PTCH1: variants seen among roughly 807,000 people sequenced by gnomAD.
PTCH1 encodes the protein patched 1, also known as protein patched homolog 1.
Under a neutral mutation model 144.6 loss-of-function variants are expected in PTCH1, and 14 were observed. The observed-to-expected ratio is 0.10, with a 90% CI of 0.06 to 0.15. PTCH1 has a LOEUF of 0.15. Among genes scored for constraint, PTCH1 ranks in the 10% least tolerant of loss-of-function variants. PTCH1 has a pLI of 1.00. For synonymous variants in PTCH1, 833 were observed against 793.6 expected (o/e 1.05, Z -0.83); for missense variants, 1,623 against 1,948.3 (o/e 0.83, Z 3.14).
At chr9:95,461,312 T>A (rs1039854327) in intron 16 of PTCH1, among the ~76,000 whole-genome samples, 3 of 152,172 alleles carry the variant, frequency 2.0e-5, no homozygotes, top group African/African-American at 7.2e-5. Flanking sequence ...CATTTCCGTT[T>A]GCTTCACTCA....
chr9:95,497,216 AGG>A (rs1490099767), intron 2 of PTCH1, among the ~76,000 whole-genome samples: 3 of 152,170 alleles, frequency 2.0e-5, no homozygotes, highest in Non-Finnish European at 4.4e-5. Flanking sequence ...AGTCACTCTC[AGG>A]GCTGCTTCAT....
At position 95,446,980 on chromosome 9, in the gene PTCH1, T is replaced by C. The variant is rs2136571540; in HGVS notation, c.4276A>G (p.Lys1426Glu). 6.8e-6 allele frequency: 11 copies of C among 1,614,132 alleles called. No individual in the cohort carries two copies. The highest frequency in any genetic ancestry group is 9.3e-6 in the Non-Finnish European group (11 of 1,180,010). The change falls in exon 23 of 24, where the codon AAG (lysine) becomes GAG (glutamate). Residue 1426 changes from lysine to glutamate, a missense_variant. Lys to Glu is a moderately conservative substitution (Grantham distance 56). Coordinates refer to ENST00000331920, the MANE Select transcript of PTCH1 (RefSeq NM_000264.5). Reference protein sequence around the residue: ...FHVRCERRDSKVEVIELQDVE... With the variant: ...FHVRCERRDSEVEVIELQDVE... ...TCCTGCAGCTCAATGACTTCCACCTTCGAATCCCTCCTCTCACACCGGACG... is the reference window on the plus strand; with the variant it reads ...TCCTGCAGCTCAATGACTTCCACCTCCGAATCCCTCCTCTCACACCGGACG...
chr9:95,503,383 A>C (rs1843288104), intron 2 of PTCH1: 1 of 152,232 alleles, frequency 6.6e-6, no homozygotes, highest in South Asian at 2.1e-4. Flanking sequence ...CTTACTGCTG[A>C]CGTGAACACT....
chr9:95,464,924 T>C (rs1422495023), intron 15 of PTCH1, among the ~76,000 whole-genome samples: 1 of 152,110 alleles, frequency 6.6e-6, no homozygotes, highest in Non-Finnish European at 1.5e-5. Context: ...AGGGCTCCAG[T>C]GTCTGGTCAT....
Position 95,469,820 on chromosome 9 carries a change from A to C in PTCH1, c.1840T>G (p.Phe614Val), listed in dbSNP as rs1193948667. ...AGCAGTCTGAAAATGTACCTTGTAA[A>C]ACAGCAGAAAATATCCAGTCTCCTG... ...EDRRLDIFCC[F>V]TSPCVSRVIQ... Residue 614 changes from phenylalanine (F) to valine (V), a missense_variant, in exon 13 of 24, where the codon TTT becomes GTT. Physicochemically the swap from Phe to Val is conservative, Grantham distance 50. Transcript: ENST00000331920. The C allele has an allele frequency of 1.9e-6, 3 of 1,612,284 alleles. No homozygotes were observed. The highest frequency in any genetic ancestry group is 2.5e-6 in the Non-Finnish European group (3 of 1,178,368).
intron 15 of PTCH1, 120 bp from the exon 16 acceptor site, chr9:95,462,118 C>T (rs1027731682): frequency 3.5e-6 from 4 of 1,154,796 alleles, no homozygotes; most frequent in Middle Eastern, 2.0e-4. Context: ...ATCAGAAACA[C>T]ACCCTCTGTG....
In PTCH1 at chr9:95,476,860, AC is replaced by A. The variant is rs1182409968; in HGVS notation, c.1504-4del. On this transcript the variant is annotated splice_polypyrimidine_tract_variant and splice_region_variant and intron_variant, in intron 10 of 23. Coordinates refer to ENST00000331920, the MANE Select transcript of PTCH1 (RefSeq NM_000264.5). This position sits in a 1 kb window ranked among gnomAD's most constrained non-coding sequence, Gnocchi z 4.6. ...CCAAGAGCGAGAAATGGCAAAACCT[AC>A]AGCAAAAACAGAGGATGGTGGCATT... 2 of 1,613,020 alleles carry A rather than the reference AC, an allele frequency of 1.2e-6. No individual in the cohort carries two copies. Among genetic ancestry groups the A allele is most frequent in the Non-Finnish European group, 1.7e-6 (2 of 1,179,250 alleles).
At chr9:95,469,500 A>G (rs986411230) in intron 13 of PTCH1, among the ~76,000 whole-genome samples, 1 of 152,216 alleles carries the variant, frequency 6.6e-6, no homozygotes, top group Non-Finnish European at 1.5e-5. Flanking sequence ...GTGTTTTTCA[A>G]TCTTGTTCTG....
intron 2 of PTCH1, among the ~76,000 whole-genome samples, chr9:95,502,413 C>T (rs1843209275): frequency 1.3e-5 from 2 of 152,208 alleles, no homozygotes; most frequent in South Asian, 4.1e-4. Flanking sequence ...GTACTGAGAA[C>T]ATGTGCAGAA....
chr9:95,514,617 A>G (rs1208301540), intron 1 of PTCH1: 1 of 139,576 alleles, frequency 7.2e-6, no homozygotes, highest in Non-Finnish European at 1.5e-5. Flanking sequence ...TGGAGAAAAT[A>G]AAAGGTGTGT....
intron 8 of PTCH1, 94 bp from the exon 9 acceptor site, chr9:95,478,280 C>G (rs1841246720): frequency 5.7e-6 from 9 of 1,570,524 alleles, no homozygotes; most frequent in Non-Finnish European, 7.0e-6. Context: ...CGCAGCCCTT[C>G]TTTTTTTCTG....
upstream of PTCH1, among the ~76,000 whole-genome samples, chr9:95,509,698 C>T (rs1410367467): frequency 6.6e-6 from 1 of 152,154 alleles, no homozygotes; most frequent in African/African-American, 2.4e-5. Flanking sequence ...TCTGAAATTC[C>T]TCAAAGAAAA....
chr9:95,492,634 C>T (rs1306881943), intron 2 of PTCH1, among the ~76,000 whole-genome samples: 1 of 151,814 alleles, frequency 6.6e-6, no homozygotes, highest in Non-Finnish European at 1.5e-5. Context: ...GTGAATATCA[C>T]CCCCCCTTAA....
intron 2 of PTCH1, among the ~76,000 whole-genome samples, chr9:95,490,520 G>GACAC (rs35550307): frequency 0.017 from 2,422 of 140,338 alleles, 32 homozygotes; most frequent in African/African-American, 0.041. Flanking sequence ...CCTTCTATGT[G>GACAC]ACACACACAC....
chr9:95,508,214 G>T lies in PTCH1; in HGVS notation c.148C>A (p.Leu50Met). 1 of 1,612,080 alleles carries T rather than the reference G, an allele frequency of 6.2e-7. No individual in the cohort carries two copies. Residue 50 changes from leucine (L) to methionine (M), a missense_variant, in exon 1 of 24, where the codon CTG (leucine) becomes ATG (methionine). Around this residue, in one of 7 missense-constraint regions of PTCH1, gnomAD observed 245 missense variants for 240.6 expected, o/e 1.02. Transcript: ENST00000331920. ...GCGTCGCAGTAGCTGGGCCGGTGCA[G>T]ATAGTCCCGGTCCGGCGCGGCAGCA... ...RRAAAPDRDY[L>M]HRPSYCDAAF...
At chr9:95,451,570 G>A (rs1282664898) in intron 20 of PTCH1, 1 of 152,138 alleles carries the variant, frequency 6.6e-6, no homozygotes, top group Non-Finnish European at 1.5e-5. Context: ...AGACCCTCCT[G>A]TAACTCATGA....
intron 2 of PTCH1, among the ~76,000 whole-genome samples, chr9:95,489,745 T>C (rs2118618812): frequency 6.6e-6 from 1 of 152,194 alleles, no homozygotes; most frequent in Non-Finnish European, 1.5e-5. Context: ...GTTATGTAGA[T>C]GTAGGCATAG....
rs1205698941 is a variant in PTCH1, at chr9:95,453,272, C to T, written c.3449+206G>A. The stretch of plus-strand genomic sequence containing the variant: ...TCAGCCTCCCAAGTAGCTGGGATTA[C>T]AGGCACCCACCACCACGCCCGGCTA... On this transcript the variant is annotated intron_variant, in intron 20 of 23. Coordinates refer to ENST00000331920, the MANE Select transcript of PTCH1 (RefSeq NM_000264.5). The T allele has an allele frequency of 1.4e-5, 9 of 621,582 alleles. No individual in the cohort carries two copies. The East Asian group carries it at 2.1e-4, about 15-fold the overall frequency. The allele number at this position is 621,582 out of a possible 1,614,324, so 38.5% of individuals were successfully genotyped here. A position where few individuals can be genotyped will look rare whatever the true frequency, so the allele number is the denominator to read the frequency against.
intron 20 of PTCH1, chr9:95,452,604 AT>A (rs909499598): frequency 1.3e-5 from 2 of 152,232 alleles, no homozygotes; most frequent in African/African-American, 4.8e-5. Context: ...CTGTTCTTTT[AT>A]ATTTCACAAA....
Sources: allele counts gnomAD v4.1 joint callset (sites outside exome capture counted in the v4.1 genomes callset), GRCh38; gene constraint gnomAD v4.1.1; regional missense constraint gnomAD v4.1.1; non-coding constraint Gnocchi (gnomAD v3.1); transcripts MANE v1.5; gene names NCBI Gene and HGNC (gene_info 2026-07-23, HGNC 2026-07-21).